Variants in HDAC9 observed in about 807,000 individuals in gnomAD.
The protein encoded by HDAC9 is histone deacetylase 9, also known as MEF-2 interacting transcription repressor (MITR) protein.
HDAC9 carries 41 observed loss-of-function variants against 139.4 expected under a neutral mutation model. The observed-to-expected ratio is 0.29, with a 90% CI of 0.23 to 0.38. The LOEUF (loss-of-function observed/expected upper bound fraction) is 0.38. Ranked by LOEUF, HDAC9 falls within the 10% of genes least tolerant of loss-of-function variation. The pLI is 1.00. For synonymous variants in HDAC9, 517 were observed against 476.2 expected, an observed-to-expected ratio of 1.09 and a Z score of -1.12; for missense variants, 1,147 against 1,297.0, an observed-to-expected ratio of 0.88 and a Z score of 1.78.
intron 21 of HDAC9, among the ~76,000 whole-genome samples, chr7:18,855,840 C>T (rs184197843): frequency 2.6e-5 from 4 of 152,166 alleles, no homozygotes; most frequent in Non-Finnish European, 4.4e-5. Flanking sequence ...TACCAAGAGA[C>T]TTTTGCAGTA....
At chr7:18,860,920 G>A (rs368937194) in intron 21 of HDAC9, among the ~76,000 whole-genome samples, 20 of 152,294 alleles carry the variant, frequency 1.3e-4, no homozygotes, top group African/African-American at 4.8e-4. Flanking sequence ...CTCAGCCTCA[G>A]TTCTCTAGGA....
chr7:18,133,209 A>C lies in HDAC9; in HGVS notation c.-96-29020A>C, dbSNP rs558102765. ...ATGAACTCTGGCTCAAAATAGAACAAATTCCACAAAAATTGCCCATGGCAT... is the reference window on the plus strand; with the variant it reads ...ATGAACTCTGGCTCAAAATAGAACACATTCCACAAAAATTGCCCATGGCAT... On this transcript the variant is annotated intron_variant, in intron 1 of 12. Transcript: ENST00000417496. Among the ~76,000 whole-genome samples, 3 of 152,338 alleles carry C rather than the reference A, an allele frequency of 2.0e-5. No individual in the cohort carries two copies. The South Asian group carries it at 6.2e-4, about 32-fold the overall frequency.
intron 2 of HDAC9, among the ~76,000 whole-genome samples, chr7:18,566,868 G>C (rs776951563): frequency 3.9e-5 from 6 of 152,206 alleles, no homozygotes; most frequent in Non-Finnish European, 8.8e-5. Context: ...TCAGAGGAGT[G>C]TAGTGGATGT....
intron 9 of HDAC9, 22 bp from the exon 10 acceptor site, chr7:18,647,763 T>G: frequency 2.5e-6 from 4 of 1,578,160 alleles, no homozygotes; most frequent in Non-Finnish European, 3.4e-6. Flanking sequence ...AGGATTAACA[T>G]CTTTGTTATT....
At chr7:18,740,961 C>T (rs1787392671) in intron 13 of HDAC9, among the ~76,000 whole-genome samples, 1 of 152,198 alleles carries the variant, frequency 6.6e-6, no homozygotes, top group African/African-American at 2.4e-5. Flanking sequence ...AAGTCCCTAA[C>T]TCTTCAATTC....
intron 1 of HDAC9, among the ~76,000 whole-genome samples, chr7:18,094,923 A>T (rs1244564374): frequency 6.6e-6 from 1 of 152,138 alleles, no homozygotes; most frequent in Non-Finnish European, 1.5e-5. Context: ...GAGAGAGAGA[A>T]ATAAGTACAT....
At chr7:18,921,756 C>T (rs1803752768) in intron 22 of HDAC9, among the ~76,000 whole-genome samples, 1 of 152,098 alleles carries the variant, frequency 6.6e-6, no homozygotes. Flanking sequence ...ATAAATCATG[C>T]TGCTATAAAG....
At chr7:18,729,987 A>C (rs923947137) in intron 13 of HDAC9, among the ~76,000 whole-genome samples, 1 of 152,234 alleles carries the variant, frequency 6.6e-6, no homozygotes, top group Non-Finnish European at 1.5e-5. Flanking sequence ...AAGGATAGCT[A>C]AGTTATTTAC....
intron 16 of HDAC9, among the ~76,000 whole-genome samples, chr7:18,788,694 G>T (rs1792032003): frequency 6.6e-6 from 1 of 150,712 alleles, no homozygotes; most frequent in African/African-American, 2.4e-5. Flanking sequence ...AGCAGAGGTT[G>T]CAGTGAGCCA....
intron 22 of HDAC9, among the ~76,000 whole-genome samples, chr7:18,926,036 A>G (rs1804195143): frequency 6.6e-6 from 1 of 152,122 alleles, no homozygotes; most frequent in Non-Finnish European, 1.5e-5. Context: ...TAATTGTTAA[A>G]TGAAAAGCTT....
At chr7:18,334,987 CT>C (rs1353026474) in intron 1 of HDAC9, among the ~76,000 whole-genome samples, 1 of 151,440 alleles carries the variant, frequency 6.6e-6, no homozygotes, top group Non-Finnish European at 1.5e-5. Flanking sequence ...GACAACTTTT[CT>C]TTTTGTCCGG....
intron 1 of HDAC9, among the ~76,000 whole-genome samples, chr7:18,309,791 G>T (rs1052345077): frequency 2.0e-5 from 3 of 149,644 alleles, no homozygotes; most frequent in Non-Finnish European, 4.5e-5. Context: ...TGACTTGGAT[G>T]AAAAAAAAAG....
chr7:18,472,473 A>G (rs1794799232), intron 1 of HDAC9, among the ~76,000 whole-genome samples: 1 of 152,192 alleles, frequency 6.6e-6, no homozygotes, highest in Non-Finnish European at 1.5e-5. Flanking sequence ...TGCAGTCTGC[A>G]ACTACTGACA....
chr7:18,764,725 A>G (rs1789678433), intron 15 of HDAC9, among the ~76,000 whole-genome samples: 1 of 151,988 alleles, frequency 6.6e-6, no homozygotes, highest in African/African-American at 2.4e-5. Flanking sequence ...CTCTCTTTTT[A>G]TCCATTCCTT....
chr7:18,827,487 A>AC (rs890892921), intron 17 of HDAC9, among the ~76,000 whole-genome samples: 3 of 152,058 alleles, frequency 2.0e-5, no homozygotes, highest in Non-Finnish European at 4.4e-5. Context: ...CATTTAGCGT[A>AC]CCCCCCTCCA....
At chr7:18,769,010 G>A (rs1790059675) in intron 16 of HDAC9, among the ~76,000 whole-genome samples, 1 of 152,170 alleles carries the variant, frequency 6.6e-6, no homozygotes, top group African/African-American at 2.4e-5. Context: ...GCTAGGCTAA[G>A]CCATGATGTT....
At chr7:18,687,060 T>G (rs1782326582) in intron 12 of HDAC9, among the ~76,000 whole-genome samples, 2 of 151,814 alleles carry the variant, frequency 1.3e-5, no homozygotes, top group Non-Finnish European at 2.9e-5. Context: ...GTTCATATTT[T>G]TATAATTGTT....
chr7:18,576,393 G>T (rs891614466), intron 2 of HDAC9, among the ~76,000 whole-genome samples: 16 of 152,154 alleles, frequency 1.1e-4, no homozygotes, highest in African/African-American at 3.6e-4. Context: ...CAGTCGGGCT[G>T]ACTCATCCCT....
chr7:18,701,382 T>C (rs1275876727), intron 12 of HDAC9, among the ~76,000 whole-genome samples: 1 of 148,248 alleles, frequency 6.7e-6, no homozygotes, highest in Non-Finnish European at 1.5e-5. Context: ...ATTGATTCTG[T>C]TGTGGCGTCT....
Sources: allele counts gnomAD v4.1 joint callset (sites outside exome capture counted in the v4.1 genomes callset), GRCh38; gene constraint gnomAD v4.1.1; transcripts MANE v1.5; gene names NCBI Gene and HGNC (gene_info 2026-07-23, HGNC 2026-07-21).